The following CTNNA2 variants were observed in gnomAD, a reference collection of about 807,000 sequenced individuals.
CTNNA2 encodes catenin alpha-2.
Under a neutral mutation model 101.0 loss-of-function variants are expected in CTNNA2, and 42 were observed. That is an observed-to-expected ratio of 0.42 (90% CI 0.32 to 0.54). CTNNA2 has a LOEUF of 0.54. Ranked by LOEUF, CTNNA2 falls within the 20% of genes least tolerant of loss-of-function variation. The pLI is 0.14. For synonymous variants in CTNNA2, 450 were observed against 456.4 expected, an observed-to-expected ratio of 0.99 and a Z score of 0.18; for missense variants, 871 against 1,223.1, an observed-to-expected ratio of 0.71 and a Z score of 4.29.
intron 7 of CTNNA2, among the ~76,000 whole-genome samples, chr2:79,912,936 A>G (rs921669458): frequency 2.0e-5 from 3 of 152,236 alleles, no homozygotes; most frequent in Non-Finnish European, 4.4e-5. Flanking sequence ...TATTAATAAG[A>G]ATATTGTGAG....
chr2:79,388,018 T>C (rs960296305), intron 4 of CTNNA2, among the ~76,000 whole-genome samples: 3 of 152,128 alleles, frequency 2.0e-5, no homozygotes, highest in Non-Finnish European at 4.4e-5. Flanking sequence ...GATTTTACTG[T>C]ATTAAGGGGA....
chr2:79,982,780 A>G (rs1409350901), intron 7 of CTNNA2, among the ~76,000 whole-genome samples: 1 of 152,102 alleles, frequency 6.6e-6, no homozygotes, highest in Non-Finnish European at 1.5e-5. Context: ...TTTTACAGAC[A>G]TACAATTAGT....
Position 80,302,372 on chromosome 2 carries a change from A to G in CTNNA2, c.1057-90839A>G, listed in dbSNP as rs1558983438. On this transcript the variant is annotated intron_variant, in intron 7 of 18. Transcript: ENST00000402739. The surrounding 1 kb of genome is among the most constrained non-coding windows in gnomAD (Gnocchi z 6.4). ...ATCAACGTAGTATTCCTGGGCAGAC[A>G]TGGCAGCCATCTGATGCATGGTCTG... is the stretch of plus-strand genomic sequence containing the variant. 2 of 1,614,236 alleles carry G rather than the reference A, an allele frequency of 1.2e-6. No individual in the cohort carries two copies. The highest frequency in any genetic ancestry group is 1.7e-6 in the Non-Finnish European group (2 of 1,180,038).
chr2:80,648,169 G>T lies in CTNNA2; in HGVS notation c.*297G>T. Reference sequence around the variant, plus strand: ...CAATATTTATGGGAGTGGGAGGGATGGGGAAAATAAACTTAACTCTACAAA... The same window carrying T: ...CAATATTTATGGGAGTGGGAGGGATTGGGAAAATAAACTTAACTCTACAAA... On this transcript the variant is annotated 3_prime_UTR_variant, in exon 19 of 19. Coordinates refer to ENST00000402739, the MANE Select transcript of CTNNA2 (RefSeq NM_001282597.3). 4.7e-6 allele frequency: 1 copy of T among 212,886 alleles called. No individual in the cohort carries two copies. The highest frequency in any genetic ancestry group is 9.4e-6 in the Non-Finnish European group (1 of 106,900). The allele number at this position is 212,886 out of a possible 1,614,324, so 13.2% of individuals were successfully genotyped here. A position where few individuals can be genotyped will look rare whatever the true frequency, so the allele number is the denominator to read the frequency against.
chr2:80,170,571 A>G (rs1704992173), intron 7 of CTNNA2, among the ~76,000 whole-genome samples: 1 of 152,130 alleles, frequency 6.6e-6, no homozygotes, highest in Non-Finnish European at 1.5e-5. Flanking sequence ...GTAGTGTTTC[A>G]AAAACAGGAC....
intron 3 of CTNNA2, among the ~76,000 whole-genome samples, chr2:79,348,734 T>C (rs889622053): frequency 1.3e-5 from 2 of 152,234 alleles, no homozygotes; most frequent in Non-Finnish European, 1.5e-5. Context: ...GCATGAATAC[T>C]ATGAAAATGA....
intron 1 of CTNNA2, among the ~76,000 whole-genome samples, chr2:79,613,165 CA>C (rs34156526): frequency 8.3e-5 from 12 of 144,498 alleles, no homozygotes; most frequent in East Asian, 2.0e-4. Context: ...ACGTTCAGAG[CA>C]AAAAAAAAAA....
intron 7 of CTNNA2, among the ~76,000 whole-genome samples, chr2:80,190,857 T>C (rs1706456509): frequency 6.6e-6 from 1 of 152,204 alleles, no homozygotes; most frequent in South Asian, 2.1e-4. Flanking sequence ...GCAACAGCAA[T>C]GTCCATCTCT....
intron 7 of CTNNA2, among the ~76,000 whole-genome samples, chr2:80,173,658 A>G (rs59740658): frequency 0.044 from 6,755 of 152,182 alleles, 524 homozygotes; most frequent in African/African-American, 0.15. Flanking sequence ...TGTATGCTCC[A>G]GGGTATAGGC....
At chr2:79,802,469 C>T (rs904910256) in intron 3 of CTNNA2, among the ~76,000 whole-genome samples, 1 of 152,126 alleles carries the variant, frequency 6.6e-6, no homozygotes, top group Admixed American at 6.6e-5. Flanking sequence ...GGTGATCCTT[C>T]CTGGGGCCCT....
chr2:79,912,304 A>AC (rs1444687618), intron 7 of CTNNA2, among the ~76,000 whole-genome samples: 1 of 152,204 alleles, frequency 6.6e-6, no homozygotes, highest in East Asian at 1.9e-4. Context: ...ACAGAGGGAG[A>AC]CAGAGGTTGT....
intron 4 of CTNNA2, among the ~76,000 whole-genome samples, chr2:79,446,657 A>G (rs947227575): frequency 6.6e-6 from 1 of 152,088 alleles, no homozygotes; most frequent in African/African-American, 2.4e-5. Context: ...ATAATGTGCA[A>G]TCAGCTTTCA....
At position 80,302,107 on chromosome 2, in the gene CTNNA2, A is replaced by T; in HGVS notation, c.1057-91104A>T. On this transcript the variant is annotated intron_variant, in intron 7 of 18. Coordinates refer to ENST00000402739, the MANE Select transcript of CTNNA2 (RefSeq NM_001282597.3). The surrounding 1 kb of genome is among the most constrained non-coding windows in gnomAD (Gnocchi z 6.4). Reference sequence around the variant, plus strand: ...TAAGACACAATAAAGCTAAAATGTCAAGTCTCTGGGAGAGATCCCCTTAAA... The same window carrying T: ...TAAGACACAATAAAGCTAAAATGTCTAGTCTCTGGGAGAGATCCCCTTAAA... 1 of 1,105,978 alleles carries T rather than the reference A, an allele frequency of 9.0e-7. No homozygotes were observed. The highest frequency in any genetic ancestry group is 1.8e-5 in the South Asian group (1 of 55,592). The allele number at this position is 1,105,978 out of a possible 1,614,324, so 68.5% of individuals were successfully genotyped here.
At chr2:79,213,263 T>C (rs542360693) in intron 2 of CTNNA2, among the ~76,000 whole-genome samples, 1 of 152,304 alleles carries the variant, frequency 6.6e-6, no homozygotes, top group South Asian at 2.1e-4. Context: ...TTCGACGGCC[T>C]TTGCAGTGAA....
intron 7 of CTNNA2, among the ~76,000 whole-genome samples, chr2:80,194,305 G>T (rs770693969): frequency 6.6e-6 from 1 of 152,150 alleles, no homozygotes; most frequent in Non-Finnish European, 1.5e-5. Context: ...GCTTTAAGCC[G>T]TCATGCCAAG....
intron 4 of CTNNA2, among the ~76,000 whole-genome samples, chr2:79,398,776 A>C (rs1172065223): frequency 2.0e-5 from 3 of 151,976 alleles, no homozygotes; most frequent in Non-Finnish European, 4.4e-5. Context: ...TCAAAAAAAA[A>C]CCTGTCAAAA....
chr2:79,305,325 TAC>T (rs1269073699), intron 2 of CTNNA2, among the ~76,000 whole-genome samples: 1 of 146,044 alleles, frequency 6.8e-6, no homozygotes, highest in African/African-American at 2.5e-5. Context: ...CACATATATA[TAC>T]ATATATACAT....
At chr2:79,922,526 C>CT (rs111587969) in intron 7 of CTNNA2, among the ~76,000 whole-genome samples, 135 of 151,208 alleles carry the variant, frequency 8.9e-4, no homozygotes, top group African/African-American at 1.8e-3. Context: ...CAGACATTGC[C>CT]TTTTTTTTTC....
At chr2:80,309,436 G>A (rs974012781) in intron 7 of CTNNA2, among the ~76,000 whole-genome samples, 24 of 152,104 alleles carry the variant, frequency 1.6e-4, no homozygotes, top group Non-Finnish European at 2.2e-4. Flanking sequence ...TTATATGAGT[G>A]TGGCAATAAT....
Sources: gnomAD v4.1 joint callset for allele counts (sites outside exome capture counted in the v4.1 genomes callset) on GRCh38, gnomAD v4.1.1 for gene constraint, Gnocchi (gnomAD v3.1) non-coding constraint, MANE v1.5 for transcripts, NCBI Gene and HGNC (gene_info 2026-07-23, HGNC 2026-07-21) for gene names.